Variants in KIF13B observed in about 807,000 individuals in gnomAD.
KIF13B encodes the protein kinesin family member 13B, also known as kinesin-like protein KIF13B.
In KIF13B, 127 loss-of-function variants were observed where a neutral mutation model predicts 222.0. The observed-to-expected ratio is 0.57, with a 90% CI of 0.50 to 0.66. The LOEUF is 0.66. Ranked by LOEUF, KIF13B falls within the 30% of genes least tolerant of loss-of-function variation. The pLI, the probability that KIF13B is intolerant of heterozygous loss-of-function variation, is 0.00. For missense variants in KIF13B, 2,173 were observed against 2,379.0 expected (o/e 0.91, Z 1.80); for synonymous variants, 976 against 919.0 (o/e 1.06, Z -1.12).
intron 2 of KIF13B, among the ~76,000 whole-genome samples, chr8:29,203,621 G>A (rs913087378): frequency 2.0e-5 from 3 of 152,094 alleles, no homozygotes; most frequent in African/African-American, 4.8e-5. Context: ...CGCCAGGTGC[G>A]GTGGCTCACG....
chr8:29,086,957 G>A (rs1808071332), intron 37 of KIF13B, among the ~76,000 whole-genome samples: 1 of 152,198 alleles, frequency 6.6e-6, no homozygotes, highest in Non-Finnish European at 1.5e-5. Context: ...GGAAAGTTCC[G>A]GGTACTTGTG....
chr8:29,259,111 CT>C (rs1400531642), intron 1 of KIF13B, among the ~76,000 whole-genome samples: 3 of 152,110 alleles, frequency 2.0e-5, no homozygotes, highest in Non-Finnish European at 4.4e-5. Flanking sequence ...TCTTTTTCCA[CT>C]AACAGAGAAA....
chr8:29,250,168 T>C (rs1393776914), intron 1 of KIF13B: 2 of 599,570 alleles, frequency 3.3e-6, no homozygotes, highest in Non-Finnish European at 5.5e-6. Context: ...ATTAGTTTCT[T>C]GCAAGAACAT....
At chr8:29,161,699 A>ACCC (rs61187527) in intron 12 of KIF13B, among the ~76,000 whole-genome samples, 25 of 141,834 alleles carry the variant, frequency 1.8e-4, no homozygotes, top group African/African-American at 5.0e-4. Context: ...CCATCTCAAA[A>ACCC]CCCCCCCCCA....
intron 1 of KIF13B, chr8:29,250,234 G>A (rs959509821): frequency 2.4e-5 from 8 of 336,514 alleles, no homozygotes; most frequent in African/African-American, 4.3e-5. Context: ...CATCTAGAAC[G>A]CAGGCCTGAA....
At chr8:29,197,608 C>T (rs936713712) in intron 2 of KIF13B, among the ~76,000 whole-genome samples, 18 of 152,144 alleles carry the variant, frequency 1.2e-4, no homozygotes, top group South Asian at 2.1e-4. Context: ...TTTAACAATC[C>T]GGGTGTCCAA....
intron 1 of KIF13B, among the ~76,000 whole-genome samples, chr8:29,262,528 G>A (rs1816716642): frequency 6.6e-6 from 1 of 151,872 alleles, no homozygotes; most frequent in South Asian, 2.1e-4. Context: ...CGAGACGCGG[G>A]GTCCCGGGGG....
chr8:29,202,055 T>C (rs1346918548), intron 2 of KIF13B, among the ~76,000 whole-genome samples: 3 of 152,212 alleles, frequency 2.0e-5, no homozygotes, highest in Non-Finnish European at 2.9e-5. Flanking sequence ...TTTTGAAGGA[T>C]AAATTCTAAT....
intron 2 of KIF13B, among the ~76,000 whole-genome samples, chr8:29,206,946 C>T (rs1258363258): frequency 6.6e-6 from 1 of 152,076 alleles, no homozygotes; most frequent in Non-Finnish European, 1.5e-5. Context: ...GGGAGTGGGC[C>T]ATGTGGCTGA....
intron 8 of KIF13B, 123 bp downstream of exon 8, chr8:29,179,981 A>G: frequency 9.4e-7 from 1 of 1,066,964 alleles, no homozygotes; most frequent in East Asian, 2.4e-5. Flanking sequence ...TTTCTCGTCC[A>G]GAGTCCTCAT....
At chr8:29,113,363 C>A in intron 32 of KIF13B, 100 bp downstream of exon 32, 1 of 630,090 alleles carries the variant, frequency 1.6e-6, no homozygotes, top group Non-Finnish European at 2.7e-6. Context: ...CCTAAACATA[C>A]ACTTTCACTT....
At chr8:29,089,447 T>C (rs1192148032) in intron 37 of KIF13B, among the ~76,000 whole-genome samples, 2 of 151,744 alleles carry the variant, frequency 1.3e-5, no homozygotes, top group East Asian at 1.9e-4. Context: ...TCTAAAATAA[T>C]ATTATTATAA....
In KIF13B at chr8:29,214,926, G is replaced by A. The variant is rs545309368; in HGVS notation, c.150-18727C>T. On this transcript the variant is annotated intron_variant, in intron 2 of 39. Coordinates refer to ENST00000524189, the MANE Select transcript of KIF13B (RefSeq NM_015254.4). ...GTTGACTAAAATATCATTATGGGGC[G>A]CATGACTGTGATAGAGTGGTGATCC... is the stretch of plus-strand genomic sequence containing the variant. Among the ~76,000 whole-genome samples, 153 of 152,216 alleles carry A rather than the reference G, an allele frequency of 1.0e-3. 1 individual carries two copies. The highest frequency in any genetic ancestry group is 1.7e-3 in the Non-Finnish European group (113 of 68,016).
At chr8:29,185,783 C>T (rs1812897220) in intron 6 of KIF13B, among the ~76,000 whole-genome samples, 1 of 152,222 alleles carries the variant, frequency 6.6e-6, no homozygotes, top group South Asian at 2.1e-4. Context: ...TTATCTCCAT[C>T]TTTCTCCACT....
intron 2 of KIF13B, among the ~76,000 whole-genome samples, chr8:29,216,402 GC>G (rs1390069976): frequency 6.6e-6 from 1 of 152,116 alleles, no homozygotes; most frequent in Non-Finnish European, 1.5e-5. Context: ...TTCAAAACCA[GC>G]CTGGCCAACA....
At chr8:29,184,302 C>G (rs1013327719) in intron 6 of KIF13B, among the ~76,000 whole-genome samples, 1 of 151,762 alleles carries the variant, frequency 6.6e-6, no homozygotes, top group East Asian at 1.9e-4. Context: ...AATCCATTTA[C>G]TTTGAATCTT....
At chr8:29,144,103 G>C (rs1054321233) in intron 18 of KIF13B, among the ~76,000 whole-genome samples, 4 of 150,994 alleles carry the variant, frequency 2.6e-5, no homozygotes, top group African/African-American at 9.7e-5. Context: ...AATCAATTTA[G>C]GTTTACTGGC....
At position 29,127,155 on chromosome 8, in the gene KIF13B, C is replaced by T. The variant is rs181355662; in HGVS notation, c.3189G>A (p.Pro1063=). 4.5e-5 allele frequency: 72 copies of T among 1,613,830 alleles called. No individual in the cohort carries two copies. The Admixed American group carries it at 8.2e-4, about 18-fold the overall frequency. Residue 1063 remains proline (P), a synonymous_variant, in exon 25 of 40, where the codon CCG becomes CCA. Coordinates refer to ENST00000524189, the MANE Select transcript of KIF13B (RefSeq NM_015254.4). ...SVGIGCVKVR[P]LRAPRTHETF... ...TCTCATGTGTTCTGGGGGCTCTGAGCGGTCTAACTTTGACACATCCAATGC... is the reference window on the plus strand; with the variant it reads ...TCTCATGTGTTCTGGGGGCTCTGAGTGGTCTAACTTTGACACATCCAATGC...
intron 35 of KIF13B, among the ~76,000 whole-genome samples, chr8:29,100,490 C>A (rs1372589163): frequency 6.6e-6 from 1 of 150,922 alleles, no homozygotes; most frequent in African/African-American, 2.4e-5. Flanking sequence ...TTTTTTGAGA[C>A]TGAGTTTCAT....
Sources: gnomAD v4.1 joint callset for allele counts (sites outside exome capture counted in the v4.1 genomes callset) on GRCh38, gnomAD v4.1.1 for gene constraint, MANE v1.5 for transcripts, NCBI Gene and HGNC (gene_info 2026-07-23, HGNC 2026-07-21) for gene names.